NOL4: variants seen among roughly 807,000 people sequenced by gnomAD.
NOL4 encodes cancer/testis antigen 125.
NOL4 carries 17 observed loss-of-function variants against 75.9 expected under a neutral mutation model. The ratio of observed to expected loss-of-function variants is 0.22; its 90% CI spans 0.15 to 0.34. The LOEUF is 0.34. Ranked by LOEUF, NOL4 falls within the 10% of genes least tolerant of loss-of-function variation. The pLI, the probability that NOL4 is intolerant of heterozygous loss-of-function variation, is 1.00. For missense variants in NOL4, 614 were observed against 793.5 expected (o/e 0.77, Z 2.72); for synonymous variants, 292 against 289.9 (o/e 1.01, Z -0.07).
At chr18:34,213,654 G>A (rs988348389) in intron 1 of NOL4, among the ~76,000 whole-genome samples, 1 of 152,080 alleles carries the variant, frequency 6.6e-6, no homozygotes, top group African/African-American at 2.4e-5. Context: ...AATGCGTTTA[G>A]ACCCCTTCCC....
chr18:33,893,147 A>G (rs1271471703), intron 9 of NOL4, among the ~76,000 whole-genome samples: 1 of 152,146 alleles, frequency 6.6e-6, no homozygotes, highest in African/African-American at 2.4e-5. Context: ...GCTGACTTAC[A>G]TAACAAGGCT....
intron 1 of NOL4, among the ~76,000 whole-genome samples, chr18:34,189,453 C>T (rs904925068): frequency 6.6e-6 from 1 of 152,080 alleles, no homozygotes; most frequent in Non-Finnish European, 1.5e-5. Flanking sequence ...ACACTCAAAA[C>T]GTAGCAAGCA....
chr18:33,979,400 T>A (rs1372794105), intron 6 of NOL4, among the ~76,000 whole-genome samples: 1 of 152,040 alleles, frequency 6.6e-6, no homozygotes, highest in Non-Finnish European at 1.5e-5. Context: ...TCCTTTAAAA[T>A]TGTAAATTAA....
chr18:33,963,833 G>T (rs543393717), intron 6 of NOL4, among the ~76,000 whole-genome samples: 2 of 152,172 alleles, frequency 1.3e-5, no homozygotes, highest in Admixed American at 1.3e-4. Context: ...CCACTTGAAG[G>T]AAACGTGACC....
chr18:33,873,049 A>C (rs1160527258), intron 10 of NOL4, among the ~76,000 whole-genome samples: 1 of 151,984 alleles, frequency 6.6e-6, no homozygotes, highest in African/African-American at 2.4e-5. Context: ...GATATATAAT[A>C]ACTGCATAAT....
At chr18:34,151,561 A>G (rs755977577) in intron 1 of NOL4, among the ~76,000 whole-genome samples, 9 of 151,640 alleles carry the variant, frequency 5.9e-5, no homozygotes, top group South Asian at 2.1e-4. Flanking sequence ...GAAGGGGGGG[A>G]TTAATAGACA....
intron 10 of NOL4, among the ~76,000 whole-genome samples, chr18:33,873,040 A>G (rs1039734465): frequency 2.6e-5 from 4 of 151,904 alleles, no homozygotes; most frequent in African/African-American, 9.7e-5. Flanking sequence ...ACCTCCTTGG[A>G]TATATAATAA....
chr18:34,104,803 G>GA (rs148936160), intron 3 of NOL4, among the ~76,000 whole-genome samples: 1,978 of 151,978 alleles, frequency 0.013, 46 homozygotes, highest in African/African-American at 0.045. Flanking sequence ...TATAATAAAT[G>GA]AAAATTAAAA....
chr18:34,116,585 G>A (rs1323737577), intron 2 of NOL4, among the ~76,000 whole-genome samples: 2 of 152,060 alleles, frequency 1.3e-5, no homozygotes, highest in African/African-American at 4.8e-5. Flanking sequence ...TAATACTAAA[G>A]TTTTTTCACA....
intron 8 of NOL4, among the ~76,000 whole-genome samples, chr18:33,954,525 G>T (rs1377232463): frequency 3.4e-5 from 5 of 146,314 alleles, no homozygotes. Context: ...AACTTTTTTT[G>T]ATATCTGAGA....
intron 1 of NOL4, among the ~76,000 whole-genome samples, chr18:34,215,227 G>A (rs1413623971): frequency 1.3e-5 from 2 of 152,130 alleles, no homozygotes; most frequent in Non-Finnish European, 2.9e-5. Flanking sequence ...AGATATAGAT[G>A]TAGATAAAAC....
At chr18:34,185,947 G>C (rs1009080808) in intron 1 of NOL4, among the ~76,000 whole-genome samples, 1 of 152,114 alleles carries the variant, frequency 6.6e-6, no homozygotes, top group Non-Finnish European at 1.5e-5. Flanking sequence ...TAACAGTCCT[G>C]TGATGCAGGA....
intron 10 of NOL4, among the ~76,000 whole-genome samples, chr18:33,860,206 C>T (rs962355965): frequency 6.6e-5 from 10 of 152,048 alleles, no homozygotes; most frequent in African/African-American, 2.2e-4. Context: ...CAGGTCCCTC[C>T]CAAAACACAT....
At chr18:33,977,944 T>C (rs1317651136) in intron 6 of NOL4, among the ~76,000 whole-genome samples, 1 of 152,148 alleles carries the variant, frequency 6.6e-6, no homozygotes, top group Non-Finnish European at 1.5e-5. Context: ...GACCTTTGTA[T>C]CCAGCCAGTA....
intron 1 of NOL4, among the ~76,000 whole-genome samples, chr18:34,158,365 A>G (rs2030820696): frequency 6.6e-6 from 1 of 152,168 alleles, no homozygotes; most frequent in Admixed American, 6.5e-5. Flanking sequence ...TATGCACTAA[A>G]TCTTGCACCT....
At chr18:34,039,075 C>T (rs1457256663) in intron 5 of NOL4, among the ~76,000 whole-genome samples, 3 of 151,854 alleles carry the variant, frequency 2.0e-5, no homozygotes, top group African/African-American at 7.2e-5. Flanking sequence ...ACAATATAGA[C>T]ATCAGAACAT....
At chr18:34,198,302 T>C (rs1015467214) in intron 1 of NOL4, among the ~76,000 whole-genome samples, 3 of 151,988 alleles carry the variant, frequency 2.0e-5, no homozygotes, top group Admixed American at 1.3e-4. Flanking sequence ...GGATATCTCA[T>C]TGATTTCCAA....
intron 8 of NOL4, among the ~76,000 whole-genome samples, chr18:33,955,916 G>A (rs970018194): frequency 6.6e-6 from 1 of 152,020 alleles, no homozygotes; most frequent in Non-Finnish European, 1.5e-5. Flanking sequence ...AGGTACAGTG[G>A]CAAAACTTGG....
chr18:33,904,543 C>G (rs2065921414), intron 9 of NOL4, among the ~76,000 whole-genome samples: 1 of 152,034 alleles, frequency 6.6e-6, no homozygotes, highest in Admixed American at 6.6e-5. Context: ...ACAGAACAAA[C>G]TCTTTGTGGC....
Sources: gnomAD v4.1 joint callset for allele counts (sites outside exome capture counted in the v4.1 genomes callset) on GRCh38, gnomAD v4.1.1 for gene constraint, MANE v1.5 for transcripts, NCBI Gene and HGNC (gene_info 2026-07-23, HGNC 2026-07-21) for gene names.